The following ACSBG2 variants were observed in gnomAD, a reference collection of about 807,000 sequenced individuals.
The protein encoded by ACSBG2 is long-chain-fatty-acid--CoA ligase ACSBG2.
ACSBG2 carries 62 observed loss-of-function variants against 74.7 expected under a neutral mutation model. The observed-to-expected ratio is 0.83, with a 90% CI of 0.68 to 1.03. ACSBG2 has a LOEUF of 1.03. Ranked by LOEUF, ACSBG2 falls within the 50% of genes least tolerant of loss-of-function variation. The pLI is 0.00. For synonymous variants in ACSBG2, 309 were observed against 294.1 expected (o/e 1.05, Z -0.52); for missense variants, 730 against 817.6 (o/e 0.89, Z 1.31).
At chr19:6,156,803 G>A (rs1244267190) in intron 5 of ACSBG2, among the ~76,000 whole-genome samples, 8 of 136,022 alleles carry the variant, frequency 5.9e-5, no homozygotes, top group East Asian at 2.1e-4. Flanking sequence ...TTTTTTTTTC[G>A]AGACAGGGTC....
intron 3 of ACSBG2, among the ~76,000 whole-genome samples, chr19:6,150,192 A>T (rs1330160449): frequency 1.3e-5 from 2 of 151,978 alleles, no homozygotes; most frequent in Admixed American, 1.3e-4. Context: ...GTTGGGGAGG[A>T]TATGGAGAAG....
At chr19:6,163,121 AAATAATAATAAT>A (rs71917482) in intron 6 of ACSBG2, among the ~76,000 whole-genome samples, 1,515 of 122,824 alleles carry the variant, frequency 0.012, 10 homozygotes, top group Middle Eastern at 0.029. Flanking sequence ...CTAAAAATAC[AAATAATAATAAT>A]AATAATAATA....
chr19:6,151,804 A>C lies in ACSBG2; in HGVS notation c.386+9A>C. On this transcript the variant is annotated intron_variant, in intron 4 of 14. Coordinates refer to ENST00000588485, the MANE Select transcript of ACSBG2 (RefSeq NM_030924.5). ...GGTGCCATCCTAGCCGGGTAAGGTC[A>C]TTGGCTTGGTTCATGGTGAGGGTTA... 1 of 1,582,444 alleles carries C rather than the reference A, an allele frequency of 6.3e-7. No homozygotes were observed. The highest frequency in any genetic ancestry group is 8.6e-7 in the Non-Finnish European group (1 of 1,163,470).
At position 6,187,845 on chromosome 19, in the gene ACSBG2, G is replaced by C; in HGVS notation, c.1927G>C (p.Gly643Arg). 3.7e-6 allele frequency: 6 copies of C among 1,613,920 alleles called. No individual in the cohort carries two copies. Among genetic ancestry groups the C allele is most frequent in the Non-Finnish European group, 5.1e-6 (6 of 1,179,888 alleles). ...KDFSIYGGEL[G>R]PMMKLKRHFV... is the part of the protein sequence containing the mutation. Reference sequence around the variant, plus strand: ...CTTTTCCATCTATGGTGGAGAGCTAGGTGAGTGGCCATGACATTTGGAGGC... The same window carrying C: ...CTTTTCCATCTATGGTGGAGAGCTACGTGAGTGGCCATGACATTTGGAGGC... Residue 643 changes from glycine to arginine, a missense_variant and splice_region_variant, in exon 13 of 15, where the codon GGT becomes CGT. Gly to Arg is a moderately radical substitution (Grantham distance 125). Coordinates refer to ENST00000588485, the MANE Select transcript of ACSBG2 (RefSeq NM_030924.5).
chr19:6,151,742 G>A lies in ACSBG2; in HGVS notation c.333G>A (p.Leu111=). ...AGCGTTTCCACGGAGTTGGTATCCTGGGGTTTAACTCTGCAGAGTGGTTTA... is the reference window on the plus strand; with the variant it reads ...AGCGTTTCCACGGAGTTGGTATCCTAGGGTTTAACTCTGCAGAGTGGTTTA... ...GLERFHGVGI[L]GFNSAEWFIT... The change falls in exon 4 of 15, where the codon CTG becomes CTA. Residue 111 remains leucine, a synonymous_variant. Transcript: ENST00000588485. 1 of 1,603,596 alleles carries A rather than the reference G, an allele frequency of 6.2e-7. No homozygotes were observed. Among genetic ancestry groups the A allele is most frequent in the Non-Finnish European group, 8.5e-7 (1 of 1,174,908 alleles).
In ACSBG2 at chr19:6,135,757, G is replaced by A. The variant is rs1196123032; in HGVS notation, c.-184G>A. On this transcript the variant is annotated 5_prime_UTR_variant, in exon 1 of 15. Coordinates refer to ENST00000588485, the MANE Select transcript of ACSBG2 (RefSeq NM_030924.5). ...ATCCTGGCTGGACGGAGAGGGTGAC[G>A]GGGGCTGGGAAGGGGCAGCTCATGT... 2 of 152,306 alleles carry A rather than the reference G, an allele frequency of 1.3e-5. No homozygotes were observed. Among genetic ancestry groups the A allele is most frequent in the African/African-American group, 4.8e-5 (2 of 41,418 alleles). 9.4% of individuals were successfully genotyped at this position (152,306 alleles called of 1,614,324 possible).
chr19:6,190,541 T>C lies in ACSBG2; in HGVS notation c.1928-43T>C, dbSNP rs747774068. The stretch of plus-strand genomic sequence containing the variant: ...GGTCATGCATGGGTGTGTGTAATTT[T>C]CTTTTATCTCCACAACTCAATTGAT... On this transcript the variant is annotated intron_variant, in intron 13 of 14. Transcript: ENST00000588485. 51 of 1,566,318 alleles carry C rather than the reference T, an allele frequency of 3.3e-5. No homozygotes were observed. The South Asian group carries it at 5.1e-4, about 16-fold the overall frequency.
At chr19:6,159,208 T>C (rs56706946) in intron 5 of ACSBG2, among the ~76,000 whole-genome samples, 97,919 of 152,134 alleles carry the variant, frequency 0.64, 32,238 homozygotes, top group Admixed American at 0.71. Context: ...TCCAATGGCC[T>C]TGGCCTCCCA....
chr19:6,178,877 C>G (rs989447330), intron 8 of ACSBG2, among the ~76,000 whole-genome samples: 1 of 152,160 alleles, frequency 6.6e-6, no homozygotes, highest in African/African-American at 2.4e-5. Context: ...ACACATTCAG[C>G]TGGATTGTAA....
rs1017453244 is a variant in ACSBG2 at position 6,180,074 on chromosome 19, T to C, written c.907-2677T>C. Among the ~76,000 whole-genome samples the C allele has an allele frequency of 6.6e-6, 1 of 151,940 alleles. No homozygotes were observed. Among genetic ancestry groups the C allele is most frequent in the Non-Finnish European group, 1.5e-5 (1 of 67,998 alleles). On this transcript the variant is annotated intron_variant, in intron 8 of 14. Coordinates refer to ENST00000588485, the MANE Select transcript of ACSBG2 (RefSeq NM_030924.5). This position sits in a 1 kb window ranked among gnomAD's most constrained non-coding sequence, Gnocchi z 4.3. The stretch of plus-strand genomic sequence containing the variant: ...CCTTATCTCAGGGCCCCTTCCTCCA[T>C]CTTCACAGCCAGCAGTGCAGCCTCT...
chr19:6,183,317 G>T (rs372552795), intron 10 of ACSBG2, 45 bp downstream of exon 10: 3 of 1,547,870 alleles, frequency 1.9e-6, no homozygotes, highest in Non-Finnish European at 2.7e-6. Context: ...ATAACATGGG[G>T]TCAAGAGGGG....
intron 1 of ACSBG2, among the ~76,000 whole-genome samples, chr19:6,141,133 T>G (rs936488187): frequency 1.3e-5 from 2 of 152,222 alleles, no homozygotes. Flanking sequence ...AGACTTATCC[T>G]GTTTCTCCTT....
intron 8 of ACSBG2, among the ~76,000 whole-genome samples, chr19:6,182,367 T>A (rs1264761481): frequency 6.6e-6 from 1 of 152,214 alleles, no homozygotes; most frequent in Non-Finnish European, 1.5e-5. Flanking sequence ...ATTGAACCTG[T>A]AAGCTGTTTC....
intron 4 of ACSBG2, among the ~76,000 whole-genome samples, chr19:6,155,029 A>G (rs2089371604): frequency 6.6e-6 from 1 of 152,224 alleles, no homozygotes; most frequent in East Asian, 1.9e-4. Flanking sequence ...ATAAACCCTT[A>G]GCACAGTGCT....
intron 3 of ACSBG2, among the ~76,000 whole-genome samples, chr19:6,150,719 C>T (rs944489678): frequency 2.0e-5 from 3 of 151,764 alleles, no homozygotes; most frequent in Admixed American, 6.6e-5. Flanking sequence ...GTGTTTTATA[C>T]AGAGAGTTTC....
rs775398697 is a variant in ACSBG2, at chr19:6,183,115, G to T, written c.1165G>T (p.Asp389Tyr). The T allele has an allele frequency of 6.2e-7, 1 of 1,614,184 alleles. No homozygotes were observed. Among genetic ancestry groups the T allele is most frequent in the South Asian group, 1.1e-5 (1 of 91,080 alleles). The change falls in exon 10 of 15, where the codon GAT (aspartate) becomes TAT (tyrosine). Residue 389 changes from aspartate (D) to tyrosine (Y), a missense_variant. Transcript: ENST00000588485. ...FSKVKTSLGL[D>Y]HCHSFISGTA... is the part of the protein sequence containing the mutation. ...CAAAGTCAAGACATCCCTTGGCTTG[G>T]ATCACTGTCACTCTTTTATCAGTGG... is the stretch of plus-strand genomic sequence containing the variant.
chr19:6,167,893 C>T (rs998892904), intron 7 of ACSBG2, among the ~76,000 whole-genome samples: 4 of 152,020 alleles, frequency 2.6e-5, no homozygotes, highest in African/African-American at 7.2e-5. Flanking sequence ...TATTTTTGGC[C>T]CAGTCTCCAT....
chr19:6,138,254 C>T (rs2088656154), intron 1 of ACSBG2, among the ~76,000 whole-genome samples: 1 of 152,074 alleles, frequency 6.6e-6, no homozygotes, highest in South Asian at 2.1e-4. Context: ...GAGACACAGT[C>T]AGTGGTGGAG....
At chr19:6,176,539 A>G (rs2090093582) in intron 7 of ACSBG2, 2 of 349,740 alleles carry the variant, frequency 5.7e-6, no homozygotes, top group South Asian at 1.1e-4. Flanking sequence ...AGCACAGACA[A>G]TGGACATCTG....
Sources: gnomAD v4.1 joint callset for allele counts (sites outside exome capture counted in the v4.1 genomes callset) on GRCh38, gnomAD v4.1.1 for gene constraint, Gnocchi (gnomAD v3.1) non-coding constraint, MANE v1.5 for transcripts, NCBI Gene and HGNC (gene_info 2026-07-23, HGNC 2026-07-21) for gene names.